The following FSCN1 variants were observed in gnomAD, a reference collection of about 807,000 sequenced individuals.
FSCN1 encodes the protein fascin actin-bundling protein 1.
FSCN1 carries 10 observed loss-of-function variants against 39.7 expected under a neutral mutation model. That is an observed-to-expected ratio of 0.25 (90% CI 0.16 to 0.43). FSCN1 has a LOEUF of 0.43. FSCN1 is among the 20% of genes least tolerant of loss of function. The probability of loss-of-function intolerance (pLI) is 1.00; values close to 1 mark genes in which losing one functional copy is unlikely to be tolerated. For missense variants in FSCN1, 525 were observed against 723.8 expected (o/e 0.73, Z 3.15); for synonymous variants, 322 against 320.0 (o/e 1.01, Z -0.07).
chr7:5,604,119 C>G (rs552815246), intron 4 of FSCN1, 89 bp downstream of exon 4: 3 of 1,270,012 alleles, frequency 2.4e-6, no homozygotes, highest in African/African-American at 2.9e-5. Context: ...TGCATCCACA[C>G]TGGACCCTGG....
intron 1 of FSCN1, among the ~76,000 whole-genome samples, chr7:5,602,167 A>T (rs1008471800): frequency 7.9e-5 from 12 of 151,172 alleles, no homozygotes; most frequent in African/African-American, 2.9e-4. Context: ...TGGCCTCCCA[A>T]ACTGCTGGGA....
rs933214444 is a variant in FSCN1, at chr7:5,605,152, C to T, written c.1280-120C>T. 2.7e-5 allele frequency: 19 copies of T among 710,260 alleles called. No homozygotes were observed. Among genetic ancestry groups the T allele is most frequent in the African/African-American group, 1.8e-4 (10 of 56,160 alleles). The allele number at this position is 710,260 out of a possible 1,614,324, so 44.0% of individuals were successfully genotyped here. A position where few individuals can be genotyped will look rare whatever the true frequency, so the allele number is the denominator to read the frequency against. ...GGGCCATAGGGACCCTGGCTCATTCCGGAGCCGGGACTGGAGGGTGGGGCG... is the reference window on the plus strand; with the variant it reads ...GGGCCATAGGGACCCTGGCTCATTCTGGAGCCGGGACTGGAGGGTGGGGCG... On this transcript the variant is annotated intron_variant, in intron 4 of 4. Coordinates refer to ENST00000382361, the MANE Select transcript of FSCN1 (RefSeq NM_003088.4). This position sits in a 1 kb window ranked among gnomAD's most constrained non-coding sequence, Gnocchi z 6.9.
intron 1 of FSCN1, among the ~76,000 whole-genome samples, chr7:5,595,847 A>T (rs1785720582): frequency 6.6e-6 from 1 of 152,144 alleles, no homozygotes; most frequent in Non-Finnish European, 1.5e-5. Flanking sequence ...GGGGGCCAGG[A>T]AGTTGCAGAG....
At chr7:5,604,212 CCT>C (rs1245705408) in intron 4 of FSCN1, among the ~76,000 whole-genome samples, 182 bp downstream of exon 4, 1 of 152,104 alleles carries the variant, frequency 6.6e-6, no homozygotes, top group Admixed American at 6.6e-5. Context: ...AGCCCCTTTC[CCT>C]CTTGTCTGTG....
intron 4 of FSCN1, among the ~76,000 whole-genome samples, chr7:5,604,336 G>A (rs550656970): frequency 5.3e-5 from 8 of 151,874 alleles, no homozygotes; most frequent in East Asian, 1.9e-4. Flanking sequence ...GGGGAGAGCC[G>A]GGAAGGAGAG....
Position 5,605,202 on chromosome 7 carries a change from A to AC in FSCN1, c.1280-67dup. 8.1e-7 allele frequency: 1 copy of AC among 1,230,700 alleles called. No individual in the cohort carries two copies. The highest frequency in any genetic ancestry group is 1.2e-6 in the Non-Finnish European group (1 of 844,840). 76.2% of individuals were successfully genotyped at this position (1,230,700 alleles called of 1,614,324 possible). A position where few individuals can be genotyped will look rare whatever the true frequency, so the allele number is the denominator to read the frequency against. On this transcript the variant is annotated intron_variant, in intron 4 of 4. Transcript: ENST00000382361. The surrounding 1 kb of genome is among the most constrained non-coding windows in gnomAD (Gnocchi z 6.9). ...GTCACCCTTGGGAACACCCGTGCCC[A>AC]CCCTCCGCTGCCCAGGGTAGGGGTG...
Position 5,603,468 on chromosome 7 carries a change from C to T in FSCN1, c.990-28C>T, listed in dbSNP as rs559133408. 10 of 1,614,048 alleles carry T rather than the reference C, an allele frequency of 6.2e-6. No individual in the cohort carries two copies. Among genetic ancestry groups the T allele is most frequent in the African/African-American group, 2.7e-5 (2 of 75,078 alleles). On this transcript the variant is annotated intron_variant, in intron 2 of 4. Transcript: ENST00000382361. The surrounding 1 kb of genome is among the most constrained non-coding windows in gnomAD (Gnocchi z 8.5). ...CCCCACCACCTTGCCTGGGCTACCC[C>T]GCCTGACCCTGTCCCGCCATCCCCC...
Position 5,605,453 on chromosome 7 carries a change from C to T in FSCN1, c.1461C>T (p.Pro487=), listed in dbSNP as rs748943348. Residue 487 remains proline (P), a synonymous_variant, in exon 5 of 5, where the codon CCC becomes CCT. Transcript: ENST00000382361. The surrounding 1 kb of genome is among the most constrained non-coding windows in gnomAD (Gnocchi z 6.9). The stretch of plus-strand genomic sequence containing the variant: ...AGGCCTCGGCGGAAACCGTGGACCC[C>T]GCCTCGCTCTGGGAGTACTAGGGCC... The part of the protein sequence containing the change: ...VLKASAETVD[P]ASLWEY 11 of 1,589,460 alleles carry T rather than the reference C, an allele frequency of 6.9e-6. No homozygotes were observed. The highest frequency in any genetic ancestry group is 4.0e-5 in the African/African-American group (3 of 74,274).
intron 1 of FSCN1, among the ~76,000 whole-genome samples, chr7:5,598,457 G>A (rs981404866): frequency 6.6e-6 from 1 of 152,210 alleles, no homozygotes; most frequent in Non-Finnish European, 1.5e-5. Context: ...GCATTCACAC[G>A]TGGCCCCGTG....
rs1409758590 is a variant in FSCN1, at chr7:5,605,583, C to G, written c.*109C>G. ...CCAGGGCGGGAGGCAAGCCCCCTTG[C>G]CTTTCAAACTGGAAACCCCAGAGAA... On this transcript the variant is annotated 3_prime_UTR_variant, in exon 5 of 5. Coordinates refer to ENST00000382361, the MANE Select transcript of FSCN1 (RefSeq NM_003088.4). This position sits in a 1 kb window ranked among gnomAD's most constrained non-coding sequence, Gnocchi z 6.9. 5.0e-6 allele frequency: 4 copies of G among 807,928 alleles called. No homozygotes were observed. The highest frequency in any genetic ancestry group is 3.5e-5 in the African/African-American group (2 of 57,860). The allele number at this position is 807,928 out of a possible 1,614,324, so 50.0% of individuals were successfully genotyped here.
chr7:5,598,097 C>G (rs534803111), intron 1 of FSCN1, among the ~76,000 whole-genome samples: 1 of 152,320 alleles, frequency 6.6e-6, no homozygotes, highest in East Asian at 1.9e-4. Context: ...TGGGGTGTGG[C>G]CTGATGTCTA....
In FSCN1 at chr7:5,605,342, C is replaced by G. The variant is rs748567898; in HGVS notation, c.1350C>G (p.Asp450Glu). The G allele has an allele frequency of 2.5e-6, 4 of 1,613,808 alleles. No individual in the cohort carries two copies. The Admixed American group carries it at 5.0e-5, about 20-fold the overall frequency. ...CCAGCAGCGGCGACACTCCTGTGGA[C>G]TTCTTCTTCGAGTTCTGCGACTATA... The part of the protein sequence containing the change: ...AVTSSGDTPV[D>E]FFFEFCDYNK... Residue 450 changes from aspartate to glutamate, a missense_variant, in exon 5 of 5, where the codon GAC (aspartate) becomes GAG (glutamate). Asp to Glu is a conservative substitution (Grantham distance 45). Coordinates refer to ENST00000382361, the MANE Select transcript of FSCN1 (RefSeq NM_003088.4). The surrounding 1 kb of genome is among the most constrained non-coding windows in gnomAD (Gnocchi z 6.9).
intron 1 of FSCN1, chr7:5,602,782 C>CAGCCTCCTGCCTCAGCG (rs1785857874): frequency 5.5e-6 from 1 of 182,320 alleles, no homozygotes. Flanking sequence ...ACTGCAGCCT[C>CAGCCTCCTGCCTCAGCG]AGCCTCCTGC....
At chr7:5,598,451 T>C (rs1785769329) in intron 1 of FSCN1, among the ~76,000 whole-genome samples, 1 of 152,194 alleles carries the variant, frequency 6.6e-6, no homozygotes, top group African/African-American at 2.4e-5. Context: ...CGACGTGCAT[T>C]CACACGTGGC....
intron 4 of FSCN1, among the ~76,000 whole-genome samples, chr7:5,604,749 C>A (rs758440931): frequency 5.9e-5 from 9 of 152,198 alleles, no homozygotes; most frequent in African/African-American, 7.2e-5. Context: ...GATTCTCCTG[C>A]CTCAGCCTCC....
chr7:5,597,292 C>T (rs76502663), intron 1 of FSCN1, among the ~76,000 whole-genome samples: 6 of 152,206 alleles, frequency 3.9e-5, no homozygotes, highest in African/African-American at 7.2e-5. Context: ...TCACTTGAGC[C>T]GGGGAGTTTG....
chr7:5,597,178 G>A (rs1785744404), intron 1 of FSCN1, among the ~76,000 whole-genome samples: 1 of 152,176 alleles, frequency 6.6e-6, no homozygotes, highest in Admixed American at 6.5e-5. Context: ...AGGCCAGCCT[G>A]GAAAACATGG....
chr7:5,603,629 GC>G lies in FSCN1; in HGVS notation c.1111+16del. 6.2e-7 allele frequency: 1 copy of G among 1,613,988 alleles called. No individual in the cohort carries two copies. The highest frequency in any genetic ancestry group is 8.5e-7 in the Non-Finnish European group (1 of 1,180,018). On this transcript the variant is annotated intron_variant, in intron 3 of 4. Coordinates refer to ENST00000382361, the MANE Select transcript of FSCN1 (RefSeq NM_003088.4). This position sits in a 1 kb window ranked among gnomAD's most constrained non-coding sequence, Gnocchi z 8.5. ...GGTGGAGACAGCAGGTAACACTAAAGCCCCAGTTCCCTGGAGCCGTCCTGGA... is the reference window on the plus strand; with the variant it reads ...GGTGGAGACAGCAGGTAACACTAAAGCCCAGTTCCCTGGAGCCGTCCTGGA...
intron 4 of FSCN1, among the ~76,000 whole-genome samples, chr7:5,604,619 C>T (rs948704486): frequency 6.6e-6 from 1 of 151,750 alleles, no homozygotes; most frequent in African/African-American, 2.4e-5. Flanking sequence ...CAGGTGTGCA[C>T]CACCACGCCT....
Sources: gnomAD v4.1 joint callset for allele counts (sites outside exome capture counted in the v4.1 genomes callset) on GRCh38, gnomAD v4.1.1 for gene constraint, Gnocchi (gnomAD v3.1) non-coding constraint, MANE v1.5 for transcripts, NCBI Gene and HGNC (gene_info 2026-07-23, HGNC 2026-07-21) for gene names.